ZNF496: variants seen among roughly 807,000 people sequenced by gnomAD.
ZNF496 encodes the protein NSD1 (nuclear receptor binding SET-domain containing 1)-interacting zinc finger protein 1.
In ZNF496, 11 loss-of-function variants were observed where a neutral mutation model predicts 58.9. That is an observed-to-expected ratio of 0.19 (90% CI 0.12 to 0.31). The LOEUF is 0.31. ZNF496 is among the 10% of genes least tolerant of loss of function. The pLI, the probability that ZNF496 is intolerant of heterozygous loss-of-function variation, is 1.00. For synonymous variants in ZNF496, 338 were observed against 318.2 expected (o/e 1.06, Z -0.66); for missense variants, 660 against 783.0 (o/e 0.84, Z 1.88).
At chr1:247,317,500 C>T (rs776238567) in intron 6 of ZNF496, among the ~76,000 whole-genome samples, 24 of 152,296 alleles carry the variant, frequency 1.6e-4, no homozygotes, top group Non-Finnish European at 3.4e-4. Context: ...GCCCTAACAC[C>T]CCTGCTGGGG....
intron 5 of ZNF496, among the ~76,000 whole-genome samples, chr1:247,326,944 C>T (rs909127958): frequency 1.2e-4 from 18 of 152,140 alleles, no homozygotes; most frequent in Admixed American, 3.3e-4. Context: ...GAAAGAAAAC[C>T]GCCCGTCATC....
chr1:247,322,234 G>A (rs894933080), intron 6 of ZNF496, among the ~76,000 whole-genome samples: 2 of 152,120 alleles, frequency 1.3e-5, no homozygotes, highest in East Asian at 1.9e-4. Flanking sequence ...AGTGAACTAC[G>A]ACTGTGCCAC....
intron 5 of ZNF496, among the ~76,000 whole-genome samples, chr1:247,324,696 A>G (rs1572092477): frequency 6.6e-6 from 1 of 152,196 alleles, no homozygotes; most frequent in East Asian, 1.9e-4. Flanking sequence ...GTGTATAGAT[A>G]TCAAAACATT....
intron 6 of ZNF496, chr1:247,322,865 G>T: frequency 8.8e-7 from 1 of 1,133,328 alleles, no homozygotes; most frequent in Non-Finnish European, 1.2e-6. Context: ...TAGACATGCT[G>T]AGAGGCCCAT....
chr1:247,315,878 G>C (rs1659751011), intron 6 of ZNF496, among the ~76,000 whole-genome samples: 1 of 152,126 alleles, frequency 6.6e-6, no homozygotes, highest in Admixed American at 6.6e-5. Context: ...AGTAGGTCGG[G>C]GTGGAGCCTC....
intron 6 of ZNF496, among the ~76,000 whole-genome samples, chr1:247,322,089 C>T (rs1473358861): frequency 1.3e-5 from 2 of 152,138 alleles, no homozygotes; most frequent in Non-Finnish European, 2.9e-5. Flanking sequence ...TGAGACCAGC[C>T]TGGGCAACAT....
In ZNF496 at chr1:247,298,607, A is replaced by G. The variant is rs1320736741; in HGVS notation, c.*1912T>C. On this transcript the variant is annotated 3_prime_UTR_variant, in exon 10 of 10. Transcript: ENST00000682384. ...TAGGATTACAGGTGTGAGCCACTGC[A>G]CCCAGCCCAGAGTTTTCCTGATGTG... The G allele has an allele frequency of 6.6e-6, 1 of 152,308 alleles. No individual in the cohort carries two copies. Among genetic ancestry groups the G allele is most frequent in the African/African-American group, 2.4e-5 (1 of 41,468 alleles). The allele number at this position is 152,308 out of a possible 1,614,324, so 9.4% of individuals were successfully genotyped here. A position where few individuals can be genotyped will look rare whatever the true frequency, so the allele number is the denominator to read the frequency against.
Position 247,300,434 on chromosome 1 carries a change from A to C in ZNF496, c.*85T>G. The C allele has an allele frequency of 7.1e-7, 1 of 1,409,258 alleles. No homozygotes were observed. The highest frequency in any genetic ancestry group is 9.5e-7 in the Non-Finnish European group (1 of 1,050,592). 87.3% of individuals were successfully genotyped at this position (1,409,258 alleles called of 1,614,324 possible). A position where few individuals can be genotyped will look rare whatever the true frequency, so the allele number is the denominator to read the frequency against. ...GGAGGTGTGCTCTCTATCCTGGGGA[A>C]GGTATGTCCTGGGTGGGGGCGCTGA... On this transcript the variant is annotated 3_prime_UTR_variant, in exon 10 of 10. Coordinates refer to ENST00000682384, the MANE Select transcript of ZNF496 (RefSeq NM_032752.3). The surrounding 1 kb of genome is among the most constrained non-coding windows in gnomAD (Gnocchi z 5.7).
chr1:247,305,232 G>A (rs1015362625), intron 9 of ZNF496, among the ~76,000 whole-genome samples: 1 of 152,120 alleles, frequency 6.6e-6, no homozygotes, highest in African/African-American at 2.4e-5. Flanking sequence ...CCAAGATCGC[G>A]CCACTGTTCT....
At position 247,308,732 on chromosome 1, in the gene ZNF496, A is replaced by T. The variant is rs990556595; in HGVS notation, c.893-144T>A. 2.9e-6 allele frequency: 2 copies of T among 682,740 alleles called. No individual in the cohort carries two copies. The highest frequency in any genetic ancestry group is 4.9e-6 in the Non-Finnish European group (2 of 404,142). The allele number at this position is 682,740 out of a possible 1,614,324, so 42.3% of individuals were successfully genotyped here. ...GGGACTGGCAGGGGGTGGCCACTCAATAAGTGTCTGCTGAGTGAATGAACC... is the reference window on the plus strand; with the variant it reads ...GGGACTGGCAGGGGGTGGCCACTCATTAAGTGTCTGCTGAGTGAATGAACC... On this transcript the variant is annotated intron_variant, in intron 8 of 9. Coordinates refer to ENST00000682384, the MANE Select transcript of ZNF496 (RefSeq NM_032752.3). The surrounding 1 kb of genome is among the most constrained non-coding windows in gnomAD (Gnocchi z 4.5).
Position 247,309,323 on chromosome 1 carries a change from G to T in ZNF496, c.892+376C>A. ...CTAGACAGGTGAGGCACCTCAAAGG[G>T]CTGCGCTCGGTGCCCAGTTAGGAGA... On this transcript the variant is annotated intron_variant, in intron 8 of 9. Coordinates refer to ENST00000682384, the MANE Select transcript of ZNF496 (RefSeq NM_032752.3). The surrounding 1 kb of genome is among the most constrained non-coding windows in gnomAD (Gnocchi z 4.3). 1 of 997,358 alleles carries T rather than the reference G, an allele frequency of 1.0e-6. No individual in the cohort carries two copies. The highest frequency in any genetic ancestry group is 1.2e-6 in the Non-Finnish European group (1 of 816,336). 61.8% of individuals were successfully genotyped at this position (997,358 alleles called of 1,614,324 possible).
At position 247,298,781 on chromosome 1, in the gene ZNF496, G is replaced by A. The variant is rs1164507617; in HGVS notation, c.*1738C>T. On this transcript the variant is annotated 3_prime_UTR_variant, in exon 10 of 10. Coordinates refer to ENST00000682384, the MANE Select transcript of ZNF496 (RefSeq NM_032752.3). ...GACTACAGCCTTGATGCCCTCTCTT[G>A]CTGACCCTAGCCAACATAACCAGTC... The A allele has an allele frequency of 6.6e-6, 1 of 152,220 alleles. No individual in the cohort carries two copies. The highest frequency in any genetic ancestry group is 1.5e-5 in the Non-Finnish European group (1 of 68,046). 9.4% of individuals were successfully genotyped at this position (152,220 alleles called of 1,614,324 possible). A position where few individuals can be genotyped will look rare whatever the true frequency, so the allele number is the denominator to read the frequency against.
intron 6 of ZNF496, chr1:247,312,307 A>G (rs946096387): frequency 3.7e-4 from 56 of 152,348 alleles, no homozygotes; most frequent in African/African-American, 1.2e-3. Context: ...ATTTGCCACT[A>G]TAAGAAGGAT....
chr1:247,327,537 CTG>C (rs1403575045), intron 5 of ZNF496, among the ~76,000 whole-genome samples: 1 of 152,334 alleles, frequency 6.6e-6, no homozygotes, highest in East Asian at 1.9e-4. Flanking sequence ...GGCATCCAGT[CTG>C]TGGTACTTTG....
intron 5 of ZNF496, among the ~76,000 whole-genome samples, chr1:247,324,522 A>C (rs575035533): frequency 3.0e-5 from 4 of 132,404 alleles, no homozygotes; most frequent in African/African-American, 8.2e-5. Context: ...TATATTAATT[A>C]GCTTGACTTT....
At chr1:247,317,940 A>G (rs1020710565) in intron 6 of ZNF496, among the ~76,000 whole-genome samples, 2 of 152,256 alleles carry the variant, frequency 1.3e-5, no homozygotes, top group African/African-American at 4.8e-5. Flanking sequence ...AGAAGCTGTC[A>G]TAAAATGCTT....
intron 9 of ZNF496, among the ~76,000 whole-genome samples, chr1:247,303,473 A>G (rs1383431815): frequency 6.6e-6 from 1 of 152,176 alleles, no homozygotes; most frequent in African/African-American, 2.4e-5. Flanking sequence ...TCATGGGGAG[A>G]GGCCAGGAGA....
intron 6 of ZNF496, 199 bp downstream of exon 6, chr1:247,322,955 A>G (rs1050323482): frequency 1.4e-6 from 1 of 710,910 alleles, no homozygotes; most frequent in Admixed American, 2.9e-5. Flanking sequence ...CAGTAGACCC[A>G]GTGGGCGGCT....
intron 5 of ZNF496, among the ~76,000 whole-genome samples, chr1:247,325,873 T>C (rs746126669): frequency 1.4e-4 from 22 of 152,030 alleles, no homozygotes; most frequent in Non-Finnish European, 2.9e-4. Flanking sequence ...TTCATATATA[T>C]ATGAATGGAG....
Sources: gnomAD v4.1 joint callset for allele counts (sites outside exome capture counted in the v4.1 genomes callset) on GRCh38, gnomAD v4.1.1 for gene constraint, Gnocchi (gnomAD v3.1) non-coding constraint, MANE v1.5 for transcripts, NCBI Gene and HGNC (gene_info 2026-07-23, HGNC 2026-07-21) for gene names.